Variants in NOL4 observed in about 807,000 individuals in gnomAD.
The protein encoded by NOL4 is cancer/testis antigen 125.
NOL4 carries 17 observed loss-of-function variants against 75.9 expected under a neutral mutation model. That is an observed-to-expected ratio of 0.22 (90% CI 0.15 to 0.34). NOL4 has a LOEUF of 0.34. NOL4 is among the 10% of genes least tolerant of loss of function. The probability of loss-of-function intolerance (pLI) is 1.00; values close to 1 mark genes in which losing one functional copy is unlikely to be tolerated. For missense variants in NOL4, 614 were observed against 793.5 expected, an observed-to-expected ratio of 0.77 and a Z score of 2.72; for synonymous variants, 292 against 289.9, an observed-to-expected ratio of 1.01 and a Z score of -0.07.
In NOL4 at chr18:33,894,985, A is replaced by G. The variant is rs574903541; in HGVS notation, c.1543-11561T>C. Among the ~76,000 whole-genome samples, 7 of 152,248 alleles carry G rather than the reference A, an allele frequency of 4.6e-5. No individual in the cohort carries two copies. In the East Asian group the frequency reaches 1.4e-3, roughly 30 times the overall value. On this transcript the variant is annotated intron_variant, in intron 9 of 10. Transcript: ENST00000261592. ...GAGAGTGAATTTCAAATGTCTCACC[A>G]TAAAAAATGATAGGTAAATGAAGTG...
chr18:34,164,113 C>T (rs904419013), intron 1 of NOL4, among the ~76,000 whole-genome samples: 15 of 152,180 alleles, frequency 9.9e-5, no homozygotes, highest in Admixed American at 3.9e-4. Flanking sequence ...AAGACTTAGA[C>T]GTTAGACCTA....
intron 10 of NOL4, among the ~76,000 whole-genome samples, chr18:33,870,863 G>A (rs986030867): frequency 2.0e-5 from 3 of 151,978 alleles, no homozygotes; most frequent in Non-Finnish European, 4.4e-5. Context: ...TTTCCTAATG[G>A]ATTTAAATTA....
At chr18:33,929,846 C>T (rs1285556944) in intron 9 of NOL4, among the ~76,000 whole-genome samples, 2 of 152,004 alleles carry the variant, frequency 1.3e-5, no homozygotes, top group Admixed American at 1.3e-4. Flanking sequence ...AAGAAAATAA[C>T]TAGAACAGTT....
intron 1 of NOL4, among the ~76,000 whole-genome samples, chr18:34,183,796 G>C (rs1014313754): frequency 6.6e-6 from 1 of 151,850 alleles, no homozygotes; most frequent in Non-Finnish European, 1.5e-5. Flanking sequence ...GAACCCACCA[G>C]TGGTTAGAGG....
chr18:34,056,327 T>C (rs551707306), intron 5 of NOL4, among the ~76,000 whole-genome samples: 216 of 152,292 alleles, frequency 1.4e-3, no homozygotes, highest in African/African-American at 5.1e-3. Flanking sequence ...TTTGGGAGAC[T>C]CTCAAAACGT....
intron 6 of NOL4, among the ~76,000 whole-genome samples, chr18:33,979,418 G>A (rs1292257457): frequency 6.6e-6 from 1 of 151,920 alleles, no homozygotes; most frequent in African/African-American, 2.4e-5. Flanking sequence ...TAAATTTTCT[G>A]ACTATTTTTT....
intron 2 of NOL4, among the ~76,000 whole-genome samples, chr18:34,122,856 CA>C (rs1257899888): frequency 6.6e-6 from 1 of 151,942 alleles, no homozygotes; most frequent in Non-Finnish European, 1.5e-5. Flanking sequence ...GCAAGGAAAA[CA>C]AACCTCTCGA....
intron 1 of NOL4, among the ~76,000 whole-genome samples, chr18:34,170,238 C>T (rs1329181022): frequency 6.6e-6 from 1 of 151,134 alleles, no homozygotes; most frequent in African/African-American, 2.4e-5. Context: ...AGTACAATGG[C>T]ATGATCTCAA....
At chr18:34,029,810 C>T (rs1464791496) in intron 5 of NOL4, among the ~76,000 whole-genome samples, 2 of 152,000 alleles carry the variant, frequency 1.3e-5, no homozygotes, top group Non-Finnish European at 2.9e-5. Flanking sequence ...AATACAAAGC[C>T]AAGAGGTGAG....
At chr18:33,950,553 A>G (rs546517457) in intron 8 of NOL4, among the ~76,000 whole-genome samples, 7 of 152,240 alleles carry the variant, frequency 4.6e-5, no homozygotes, top group Admixed American at 4.6e-4. Context: ...TGTATTATAT[A>G]AGACATTGTG....
intron 5 of NOL4, among the ~76,000 whole-genome samples, chr18:34,083,653 A>G (rs1410650029): frequency 6.6e-6 from 1 of 152,194 alleles, no homozygotes; most frequent in African/African-American, 2.4e-5. Flanking sequence ...ATACTTAAAT[A>G]ATGTTGCAGA....
intron 5 of NOL4, among the ~76,000 whole-genome samples, chr18:34,048,202 T>C (rs1238241840): frequency 6.6e-6 from 1 of 152,154 alleles, no homozygotes; most frequent in Non-Finnish European, 1.5e-5. Flanking sequence ...AATATATTCT[T>C]TTTGCTTATC....
chr18:33,870,198 G>A (rs1219606615), intron 10 of NOL4, among the ~76,000 whole-genome samples: 1 of 151,948 alleles, frequency 6.6e-6, no homozygotes, highest in Non-Finnish European at 1.5e-5. Context: ...TACTCACTTA[G>A]CAGTTTTCAA....
At chr18:33,878,312 T>C (rs1191246221) in intron 10 of NOL4, among the ~76,000 whole-genome samples, 1 of 152,076 alleles carries the variant, frequency 6.6e-6, no homozygotes, top group Non-Finnish European at 1.5e-5. Flanking sequence ...TATTATTCTT[T>C]TCCTTATTTG....
intron 8 of NOL4, among the ~76,000 whole-genome samples, chr18:33,954,467 C>T (rs1482330270): frequency 6.6e-6 from 1 of 151,584 alleles, no homozygotes; most frequent in East Asian, 1.9e-4. Context: ...TTCGAGAAAC[C>T]TGAGAAAGAA....
intron 5 of NOL4, among the ~76,000 whole-genome samples, chr18:34,036,450 A>G (rs143102848): frequency 7.5e-4 from 114 of 152,330 alleles, no homozygotes; most frequent in African/African-American, 2.7e-3. Flanking sequence ...GCATAGAAGG[A>G]CCATACCTCA....
intron 5 of NOL4, among the ~76,000 whole-genome samples, chr18:34,077,208 T>G (rs1600501579): frequency 1.3e-5 from 2 of 152,150 alleles, no homozygotes; most frequent in African/African-American, 4.8e-5. Flanking sequence ...CCTGGGAGGC[T>G]GAGGTGGAAG....
chr18:34,037,221 A>G (rs986609996), intron 5 of NOL4, among the ~76,000 whole-genome samples: 1 of 152,180 alleles, frequency 6.6e-6, no homozygotes, highest in South Asian at 2.1e-4. Context: ...AAGGAAGTGA[A>G]AGGTCTCTAC....
At chr18:34,050,485 G>C (rs918114629) in intron 5 of NOL4, among the ~76,000 whole-genome samples, 1 of 151,958 alleles carries the variant, frequency 6.6e-6, no homozygotes, top group Admixed American at 6.6e-5. Context: ...CCTGGACATC[G>C]ATCATATTAT....
Sources: allele counts gnomAD v4.1 joint callset (sites outside exome capture counted in the v4.1 genomes callset), GRCh38; gene constraint gnomAD v4.1.1; transcripts MANE v1.5; gene names NCBI Gene and HGNC (gene_info 2026-07-23, HGNC 2026-07-21).